The following TDRD5 variants were observed in gnomAD, a reference collection of about 807,000 sequenced individuals.
The protein encoded by TDRD5 is tudor domain-containing protein 5.
Under a neutral mutation model 120.6 loss-of-function variants are expected in TDRD5, and 41 were observed. The observed-to-expected ratio is 0.34, with a 90% CI of 0.26 to 0.44. TDRD5 has a LOEUF of 0.44. TDRD5 is among the 20% of genes least tolerant of loss of function. The pLI, the probability that TDRD5 is intolerant of heterozygous loss-of-function variation, is 1.00. For missense variants in TDRD5, 1,006 were observed against 1,221.2 expected (o/e 0.82, Z 2.63); for synonymous variants, 430 against 433.7 (o/e 0.99, Z 0.11).
At chr1:179,676,843 C>T (rs576684465) in intron 17 of TDRD5, among the ~76,000 whole-genome samples, 109 of 152,260 alleles carry the variant, frequency 7.2e-4, no homozygotes, top group African/African-American at 2.6e-3. Context: ...TATCTTTTTG[C>T]AATGAATTTC....
Position 179,593,615 on chromosome 1 carries a change from A to T in TDRD5, c.388A>T (p.Ile130Phe). ...ACCTTACCGAGGAAGGGTTGCCCCT[A>T]TTCTTCCAGCTGTTGTGAAGAGTGA... ...RVPYRGRVAP[I>F]LPAVVKSELK... Residue 130 changes from isoleucine to phenylalanine, a missense_variant, in exon 3 of 18, where the codon ATT (isoleucine) becomes TTT (phenylalanine). Coordinates refer to ENST00000444136, the MANE Select transcript of TDRD5 (RefSeq NM_001199085.3). 1 of 1,614,232 alleles carries T rather than the reference A, an allele frequency of 6.2e-7. No individual in the cohort carries two copies. The highest frequency in any genetic ancestry group is 1.3e-5 in the African/African-American group (1 of 75,076).
chr1:179,639,590 A>T (rs1677933712), intron 9 of TDRD5, among the ~76,000 whole-genome samples: 1 of 152,218 alleles, frequency 6.6e-6, no homozygotes, highest in African/African-American at 2.4e-5. Context: ...GATGGGGTAC[A>T]TTCTATCCAG....
intron 14 of TDRD5, among the ~76,000 whole-genome samples, chr1:179,657,175 C>T (rs185970377): frequency 6.6e-6 from 1 of 152,140 alleles, no homozygotes; most frequent in East Asian, 1.9e-4. Context: ...CTTATCTATA[C>T]CTGAGATTTT....
rs188412811 is a variant in TDRD5, at chr1:179,608,653, C to A, written c.832-9946C>A. Among the ~76,000 whole-genome samples the A allele has an allele frequency of 4.2e-4, 64 of 151,780 alleles. 3 individuals are homozygous for A. The East Asian group carries it at 0.01, about 24-fold the overall frequency. Reference sequence around the variant, plus strand: ...CTTCTATTCATTATGTTAATAATTTCTTTATGGACATAAGCATATGTATAA... The same window carrying A: ...CTTCTATTCATTATGTTAATAATTTATTTATGGACATAAGCATATGTATAA... On this transcript the variant is annotated intron_variant, in intron 4 of 17. Coordinates refer to ENST00000444136, the MANE Select transcript of TDRD5 (RefSeq NM_001199085.3).
At chr1:179,670,435 G>T (rs998700333) in intron 17 of TDRD5, among the ~76,000 whole-genome samples, 1 of 151,802 alleles carries the variant, frequency 6.6e-6, no homozygotes, top group African/African-American at 2.4e-5. Flanking sequence ...CATAGGAGTC[G>T]ATTTGCTAGG....
Position 179,662,534 on chromosome 1 carries a change from G to T in TDRD5, c.2505+248G>T, listed in dbSNP as rs142907717. Among the ~76,000 whole-genome samples the T allele has an allele frequency of 8.5e-5, 13 of 152,162 alleles. No homozygotes were observed. The East Asian group carries it at 2.5e-3, about 29-fold the overall frequency. On this transcript the variant is annotated intron_variant, in intron 15 of 17. Coordinates refer to ENST00000444136, the MANE Select transcript of TDRD5 (RefSeq NM_001199085.3). ...TGCTTGAGCCTGGGAGCTGGAGGTT[G>T]CAGTGAGCCAAGATCATGCCACTAC...
At chr1:179,689,104 G>A (rs1192062455) in intron 17 of TDRD5, among the ~76,000 whole-genome samples, 7 of 152,202 alleles carry the variant, frequency 4.6e-5, no homozygotes, top group South Asian at 2.1e-4. Flanking sequence ...GAGGAGCTGC[G>A]TTCCTTTGGA....
intron 17 of TDRD5, among the ~76,000 whole-genome samples, chr1:179,675,568 C>T (rs946476225): frequency 3.3e-5 from 5 of 151,866 alleles, no homozygotes; most frequent in Admixed American, 6.6e-5. Context: ...CGTGAGCCAC[C>T]GCGCCCGGCC....
At chr1:179,682,401 C>T (rs1680471222) in intron 17 of TDRD5, among the ~76,000 whole-genome samples, 1 of 152,098 alleles carries the variant, frequency 6.6e-6, no homozygotes, top group Non-Finnish European at 1.5e-5. Flanking sequence ...CCTTGCCCCC[C>T]ACCCACCAAC....
At chr1:179,655,404 CT>C (rs1332148591) in intron 14 of TDRD5, among the ~76,000 whole-genome samples, 2 of 152,140 alleles carry the variant, frequency 1.3e-5, no homozygotes, top group African/African-American at 4.8e-5. Flanking sequence ...ACTGTTACAC[CT>C]TTTTTTCCCT....
At chr1:179,648,039 C>G (rs1487554954) in intron 11 of TDRD5, among the ~76,000 whole-genome samples, 2 of 152,016 alleles carry the variant, frequency 1.3e-5, no homozygotes, top group Non-Finnish European at 2.9e-5. Context: ...GTCAGTGTGG[C>G]GATTCCTCAG....
chr1:179,676,416 GT>G (rs879244907), intron 17 of TDRD5, among the ~76,000 whole-genome samples: 2 of 151,984 alleles, frequency 1.3e-5, no homozygotes, highest in East Asian at 1.9e-4. Flanking sequence ...TGAATACCTT[GT>G]TTTTTTCATT....
chr1:179,665,911 C>T (rs1374346912), intron 16 of TDRD5, among the ~76,000 whole-genome samples: 2 of 152,118 alleles, frequency 1.3e-5, no homozygotes, highest in East Asian at 3.8e-4. Flanking sequence ...ACAGTCCTCT[C>T]CTGCTGTCTG....
intron 14 of TDRD5, among the ~76,000 whole-genome samples, 195 bp downstream of exon 14, chr1:179,654,557 G>T (rs1305903741): frequency 6.6e-6 from 1 of 152,050 alleles, no homozygotes; most frequent in Non-Finnish European, 1.5e-5. Flanking sequence ...TTGAGGTCAG[G>T]AGTTCAAGAC....
intron 5 of TDRD5, 48 bp downstream of exon 5, chr1:179,618,730 T>G: frequency 1.5e-6 from 2 of 1,364,310 alleles, no homozygotes; most frequent in Non-Finnish European, 2.0e-6. Flanking sequence ...ATTTATAAAT[T>G]TATATATCAT....
intron 14 of TDRD5, among the ~76,000 whole-genome samples, chr1:179,657,652 T>C (rs890511318): frequency 6.6e-6 from 1 of 152,182 alleles, no homozygotes; most frequent in Admixed American, 6.5e-5. Flanking sequence ...GCTTTGCTGT[T>C]TTCTGGGAAA....
intron 11 of TDRD5, among the ~76,000 whole-genome samples, chr1:179,645,117 G>A (rs1312851437): frequency 2.6e-5 from 3 of 114,132 alleles, no homozygotes; most frequent in African/African-American, 7.0e-5. Flanking sequence ...ACGGAGTCTC[G>A]CTCTGTCGCC....
intron 6 of TDRD5, among the ~76,000 whole-genome samples, chr1:179,627,035 G>A (rs1198963692): frequency 6.6e-6 from 1 of 152,136 alleles, no homozygotes; most frequent in Non-Finnish European, 1.5e-5. Flanking sequence ...AAAACAGCAA[G>A]TGACTTATAA....
chr1:179,603,862 A>T (rs2101925549), intron 4 of TDRD5, among the ~76,000 whole-genome samples: 1 of 151,958 alleles, frequency 6.6e-6, no homozygotes, highest in South Asian at 2.1e-4. Flanking sequence ...TCCTTTCATG[A>T]TTTTGGTATT....
Sources: gnomAD v4.1 joint callset for allele counts (sites outside exome capture counted in the v4.1 genomes callset) on GRCh38, gnomAD v4.1.1 for gene constraint, MANE v1.5 for transcripts, NCBI Gene and HGNC (gene_info 2026-07-23, HGNC 2026-07-21) for gene names.